Variants in FLVCR1 observed in about 807,000 individuals in gnomAD.
FLVCR1 encodes FLVCR choline and heme transporter 1.
Under a neutral mutation model 53.6 loss-of-function variants are expected in FLVCR1, and 34 were observed. The ratio of observed to expected loss-of-function variants is 0.63; its 90% CI spans 0.48 to 0.84. FLVCR1 has a LOEUF of 0.84. Ranked by LOEUF, FLVCR1 falls within the 40% of genes least tolerant of loss-of-function variation. The pLI is 0.00. For missense variants in FLVCR1, 677 were observed against 696.7 expected, an observed-to-expected ratio of 0.97 and a Z score of 0.32; for synonymous variants, 300 against 286.3, an observed-to-expected ratio of 1.05 and a Z score of -0.48.
chr1:212,880,859 A>G (rs557724015), intron 3 of FLVCR1, among the ~76,000 whole-genome samples: 22 of 151,714 alleles, frequency 1.5e-4, no homozygotes, highest in East Asian at 3.9e-4. Context: ...TGAAAAGTTT[A>G]TTTCTTGCTA....
At chr1:212,874,428 C>A (rs1326923247) in intron 3 of FLVCR1, among the ~76,000 whole-genome samples, 1 of 151,822 alleles carries the variant, frequency 6.6e-6, no homozygotes, top group African/African-American at 2.4e-5. Context: ...TAGGTTAAAC[C>A]TAAAATTCCT....
chr1:212,881,431 C>T (rs956675803), intron 3 of FLVCR1, among the ~76,000 whole-genome samples: 4 of 151,720 alleles, frequency 2.6e-5, no homozygotes, highest in Admixed American at 6.6e-5. Context: ...CTCCACCTCC[C>T]GGATTCAAGC....
chr1:212,897,503 CAG>C lies in FLVCR1; in HGVS notation c.*2216_*2217del, dbSNP rs1251757400. ...CGCCACTGCACTCCAGCCTGGGTGACAGAGCGAGACTCTGTTTCAGGAAAAAA... is the reference window on the plus strand; with the variant it reads ...CGCCACTGCACTCCAGCCTGGGTGACAGCGAGACTCTGTTTCAGGAAAAAA... On this transcript the variant is annotated 3_prime_UTR_variant, in exon 10 of 10. Coordinates refer to ENST00000366971, the MANE Select transcript of FLVCR1 (RefSeq NM_014053.4). 6.6e-6 allele frequency: 1 copy of C among 152,278 alleles called. No individual in the cohort carries two copies. Among genetic ancestry groups the C allele is most frequent in the African/African-American group, 2.4e-5 (1 of 41,416 alleles). The allele number at this position is 152,278 out of a possible 1,614,324, so 9.4% of individuals were successfully genotyped here.
intron 8 of FLVCR1, among the ~76,000 whole-genome samples, chr1:212,893,405 T>A (rs1330025272): frequency 6.6e-6 from 1 of 152,168 alleles, no homozygotes. Context: ...AGTTGGAATC[T>A]ACTAGTAAAG....
chr1:212,889,952 G>T (rs1205651314), intron 8 of FLVCR1, among the ~76,000 whole-genome samples: 2 of 152,042 alleles, frequency 1.3e-5, no homozygotes, highest in Non-Finnish European at 2.9e-5. Context: ...AATGGTTCAT[G>T]AAAAGTTCCT....
chr1:212,885,544 G>GTTTTTA, intron 5 of FLVCR1, 148 bp downstream of exon 5: 3 of 384,604 alleles, frequency 7.8e-6, no homozygotes, highest in Non-Finnish European at 9.3e-6. Flanking sequence ...CACTTAACAA[G>GTTTTTA]TGTTTCTTTT....
chr1:212,893,639 G>A (rs546745592), intron 8 of FLVCR1, among the ~76,000 whole-genome samples: 1 of 152,140 alleles, frequency 6.6e-6, no homozygotes, highest in African/African-American at 2.4e-5. Flanking sequence ...TGCCACAGCC[G>A]CTCCCACCTT....
At chr1:212,881,262 T>C (rs918934354) in intron 3 of FLVCR1, among the ~76,000 whole-genome samples, 3 of 150,236 alleles carry the variant, frequency 2.0e-5, no homozygotes, top group African/African-American at 7.3e-5. Flanking sequence ...GGAACAAATA[T>C]AGGAGACCAT....
intron 1 of FLVCR1, among the ~76,000 whole-genome samples, chr1:212,860,775 A>C (rs1266834680): frequency 6.6e-6 from 1 of 152,144 alleles, no homozygotes; most frequent in Non-Finnish European, 1.5e-5. Flanking sequence ...ACTCTCCATA[A>C]AACCATGTTG....
At chr1:212,877,022 C>A (rs116136392) in intron 3 of FLVCR1, among the ~76,000 whole-genome samples, 1 of 151,840 alleles carries the variant, frequency 6.6e-6, no homozygotes, top group Non-Finnish European at 1.5e-5. Context: ...TTTTAATAAT[C>A]GTCATTCTGA....
intron 5 of FLVCR1, among the ~76,000 whole-genome samples, chr1:212,886,042 C>CTTTTTTTTTTTTTTTT (rs5780703): frequency 8.3e-6 from 1 of 121,124 alleles, no homozygotes; most frequent in African/African-American, 3.2e-5. Flanking sequence ...TTATCTTGTT[C>CTTTTTTTTTTTTTTTT]TTTTTTTTTT....
chr1:212,870,983 T>TG (rs1195797903), intron 2 of FLVCR1, among the ~76,000 whole-genome samples: 1 of 152,198 alleles, frequency 6.6e-6, no homozygotes, highest in Non-Finnish European at 1.5e-5. Flanking sequence ...TTGGCCAGGC[T>TG]GGTCTCGAAC....
intron 3 of FLVCR1, among the ~76,000 whole-genome samples, chr1:212,877,919 A>C (rs1447932399): frequency 6.6e-6 from 1 of 152,186 alleles, no homozygotes; most frequent in Non-Finnish European, 1.5e-5. Flanking sequence ...TCAGTAACAC[A>C]AGAAAGAAGA....
intron 1 of FLVCR1, among the ~76,000 whole-genome samples, chr1:212,862,885 G>A (rs1173498155): frequency 2.0e-5 from 3 of 152,182 alleles, no homozygotes; most frequent in Admixed American, 6.5e-5. Flanking sequence ...ATGCTACCTG[G>A]TGTGGAGTGG....
At chr1:212,863,966 C>A in intron 2 of FLVCR1, 97 bp downstream of exon 2, 2 of 1,011,556 alleles carry the variant, frequency 2.0e-6, no homozygotes, top group South Asian at 1.3e-5. Flanking sequence ...TCTCAAGTGT[C>A]ATGTGCTTTG....
chr1:212,878,832 T>G (rs181946871), intron 3 of FLVCR1, among the ~76,000 whole-genome samples: 187 of 151,762 alleles, frequency 1.2e-3, no homozygotes, highest in Middle Eastern at 3.4e-3. Context: ...CTACAAAAAA[T>G]ACAAAAATTA....
rs141718202 is a variant in FLVCR1 at position 212,884,865 on chromosome 1, G to A, written c.1093-428G>A. ...TGTTGTAGGCAGTTGTAATACAATGGTAAGTATTGTGTATCTAAATATATC... is the reference window on the plus strand; with the variant it reads ...TGTTGTAGGCAGTTGTAATACAATGATAAGTATTGTGTATCTAAATATATC... On this transcript the variant is annotated intron_variant, in intron 4 of 9. Transcript: ENST00000366971. Among the ~76,000 whole-genome samples, 613 of 152,258 alleles carry A rather than the reference G, an allele frequency of 4.0e-3. 4 individuals carry two copies. The highest frequency in any genetic ancestry group is 0.014 in the African/African-American group (589 of 41,538).
intron 2 of FLVCR1, among the ~76,000 whole-genome samples, chr1:212,867,834 C>T (rs1318678756): frequency 3.4e-5 from 5 of 145,878 alleles, no homozygotes; most frequent in Admixed American, 6.9e-5. Flanking sequence ...GATGGAGTCT[C>T]GCTCTTTCAC....
chr1:212,885,607 G>A (rs977855243), intron 5 of FLVCR1: 14 of 459,800 alleles, frequency 3.0e-5, no homozygotes, highest in Non-Finnish European at 5.0e-5. Flanking sequence ...CTAGAGTGCA[G>A]TGGCGCAATC....
Sources: gnomAD v4.1 joint callset for allele counts (sites outside exome capture counted in the v4.1 genomes callset) on GRCh38, gnomAD v4.1.1 for gene constraint, MANE v1.5 for transcripts, NCBI Gene and HGNC (gene_info 2026-07-23, HGNC 2026-07-21) for gene names.